Variants in USP37 observed in about 807,000 individuals in gnomAD.
USP37 encodes the protein ubiquitin specific peptidase 37.
USP37 carries 27 observed loss-of-function variants against 124.0 expected under a neutral mutation model. That is an observed-to-expected ratio of 0.22 (90% CI 0.16 to 0.30). The LOEUF (loss-of-function observed/expected upper bound fraction) is 0.30. Among genes scored for constraint, USP37 ranks in the 10% least tolerant of loss-of-function variants. The pLI is 1.00. For synonymous variants in USP37, 365 were observed against 388.0 expected (o/e 0.94, Z 0.70); for missense variants, 889 against 1,140.4 (o/e 0.78, Z 3.17).
In USP37 at chr2:218,482,207, A is replaced by G. The variant is rs1173661976; in HGVS notation, c.1698T>C (p.Tyr566=). 2 of 1,613,016 alleles carry G rather than the reference A, an allele frequency of 1.2e-6. No individual in the cohort carries two copies. Among genetic ancestry groups the G allele is most frequent in the Non-Finnish European group, 1.7e-6 (2 of 1,179,426 alleles). Residue 566 remains tyrosine (Y), a synonymous_variant, in exon 17 of 26, where the codon TAT becomes TAC. Transcript: ENST00000258399. ...PRVLILHLKR[Y]SFNVALSLNN... The stretch of plus-strand genomic sequence containing the variant: ...TAAGCGAGAGAGCCACATTGAAGCT[A>G]TATCGTTTCAAATGGAGAATGAGGA...
intron 10 of USP37, among the ~76,000 whole-genome samples, chr2:218,512,683 T>A (rs1258712126): frequency 6.6e-6 from 1 of 152,164 alleles, no homozygotes; most frequent in African/African-American, 2.4e-5. Context: ...CAACTCTGCA[T>A]TCCTCTAACC....
chr2:218,472,383 C>T (rs1690742201), intron 20 of USP37, among the ~76,000 whole-genome samples: 1 of 151,948 alleles, frequency 6.6e-6, no homozygotes, highest in Non-Finnish European at 1.5e-5. Context: ...TCACACTTTT[C>T]TTTTCTATGG....
chr2:218,532,051 G>C (rs948034621), intron 9 of USP37, among the ~76,000 whole-genome samples: 1 of 152,240 alleles, frequency 6.6e-6, no homozygotes, highest in Non-Finnish European at 1.5e-5. Context: ...GGTAGTGTCT[G>C]AAAGGACTGA....
At chr2:218,479,442 G>T (rs72965151) in intron 18 of USP37, among the ~76,000 whole-genome samples, 42,666 of 152,122 alleles carry the variant, frequency 0.28, 7,567 homozygotes, top group Non-Finnish European at 0.39. Flanking sequence ...TTGAGAGGAT[G>T]AGCTAACCTT....
At chr2:218,478,671 C>A (rs990932294) in intron 18 of USP37, among the ~76,000 whole-genome samples, 36 of 152,152 alleles carry the variant, frequency 2.4e-4, no homozygotes, top group African/African-American at 8.7e-4. Context: ...GAGTGCATTC[C>A]ATTAATGATT....
At chr2:218,509,583 A>T (rs1225367147) in intron 11 of USP37, among the ~76,000 whole-genome samples, 1 of 150,264 alleles carries the variant, frequency 6.7e-6, no homozygotes, top group Non-Finnish European at 1.5e-5. Context: ...CATTTCTATT[A>T]AAAAAAAAAT....
At chr2:218,511,342 CTT>C (rs1253392110) in intron 10 of USP37, among the ~76,000 whole-genome samples, 1 of 151,656 alleles carries the variant, frequency 6.6e-6, no homozygotes, top group Non-Finnish European at 1.5e-5. Context: ...AAGTTTTGCT[CTT>C]GTTGCCCAAG....
At chr2:218,511,655 G>T (rs902635761) in intron 10 of USP37, among the ~76,000 whole-genome samples, 1 of 149,442 alleles carries the variant, frequency 6.7e-6, no homozygotes, top group Non-Finnish European at 1.5e-5. Context: ...CCATGTTGCC[G>T]AGCCTGGTCT....
Position 218,453,351 on chromosome 2 carries a change from CTCCTGGGT to C in USP37, c.*1571_*1578del. On this transcript the variant is annotated 3_prime_UTR_variant, in exon 26 of 26. Coordinates refer to ENST00000258399, the MANE Select transcript of USP37 (RefSeq NM_020935.3). ...GATCTCAGCTCACTGCAACCTCTGCCTCCTGGGTTCAAGTGATTCTCTCATGTGATGGT... is the reference window on the plus strand; with the variant it reads ...GATCTCAGCTCACTGCAACCTCTGCCTCAAGTGATTCTCTCATGTGATGGT... The C allele has an allele frequency of 6.6e-6, 1 of 152,038 alleles. No individual in the cohort carries two copies. Among genetic ancestry groups the C allele is most frequent in the South Asian group, 2.1e-4 (1 of 4,810 alleles). 9.4% of individuals were successfully genotyped at this position (152,038 alleles called of 1,614,324 possible). A position where few individuals can be genotyped will look rare whatever the true frequency, so the allele number is the denominator to read the frequency against.
chr2:218,490,441 T>A (rs897597059), intron 14 of USP37, among the ~76,000 whole-genome samples: 16 of 152,242 alleles, frequency 1.1e-4, no homozygotes, highest in Non-Finnish European at 2.4e-4. Flanking sequence ...TATAGAATTT[T>A]AAAACGTGAG....
chr2:218,461,934 A>T (rs540191894), intron 22 of USP37, among the ~76,000 whole-genome samples: 1 of 152,364 alleles, frequency 6.6e-6, no homozygotes, highest in East Asian at 1.9e-4. Context: ...ACGCAGGTGG[A>T]TCACCTAAGG....
intron 10 of USP37, among the ~76,000 whole-genome samples, chr2:218,526,024 CTTTT>C (rs1023345582): frequency 1.3e-5 from 2 of 152,148 alleles, no homozygotes; most frequent in African/African-American, 4.8e-5. Context: ...TGATCTCATT[CTTTT>C]TTTATGGCTG....
chr2:218,540,892 T>C (rs1337266922), intron 8 of USP37, among the ~76,000 whole-genome samples: 3 of 152,094 alleles, frequency 2.0e-5, no homozygotes, highest in East Asian at 1.9e-4. Flanking sequence ...CTTTGCAGAA[T>C]AGGAGGTACA....
At chr2:218,500,458 T>C (rs1689316883) in intron 11 of USP37, among the ~76,000 whole-genome samples, 2 of 151,766 alleles carry the variant, frequency 1.3e-5, no homozygotes, top group Non-Finnish European at 1.5e-5. Flanking sequence ...GGTTTCATCA[T>C]GTTGATCAGG....
chr2:218,521,496 C>T (rs1472240952), intron 10 of USP37, among the ~76,000 whole-genome samples: 1 of 152,122 alleles, frequency 6.6e-6, no homozygotes, highest in Admixed American at 6.5e-5. Flanking sequence ...CCCTTGCCCT[C>T]CATCCCCCAA....
At chr2:218,562,603 A>G (rs1183520940) in intron 2 of USP37, 70 bp downstream of exon 2, 4 of 396,826 alleles carry the variant, frequency 1.0e-5, no homozygotes, top group Non-Finnish European at 1.8e-5. Context: ...CAAAACAAAC[A>G]CAAAACTGTC....
intron 3 of USP37, among the ~76,000 whole-genome samples, chr2:218,559,269 C>T (rs755162890): frequency 3.4e-4 from 52 of 152,130 alleles, no homozygotes; most frequent in Non-Finnish European, 7.1e-4. Context: ...CATGACTACC[C>T]ACTGCACTCC....
chr2:218,545,751 C>T (rs1056770019), intron 8 of USP37, among the ~76,000 whole-genome samples: 1 of 152,146 alleles, frequency 6.6e-6, no homozygotes, highest in Non-Finnish European at 1.5e-5. Flanking sequence ...TTGATCTATT[C>T]CCTTTTGTTC....
chr2:218,489,668 T>C (rs1691810722), intron 14 of USP37, among the ~76,000 whole-genome samples: 1 of 151,596 alleles, frequency 6.6e-6, no homozygotes, highest in Admixed American at 6.6e-5. Context: ...TTAGTAGAGA[T>C]GGGGTTTCAT....
Sources: allele counts gnomAD v4.1 joint callset (sites outside exome capture counted in the v4.1 genomes callset), GRCh38; gene constraint gnomAD v4.1.1; transcripts MANE v1.5; gene names NCBI Gene and HGNC (gene_info 2026-07-23, HGNC 2026-07-21).